The following ANKRD28 variants were observed in gnomAD, a reference collection of about 807,000 sequenced individuals.
ANKRD28 encodes serine/threonine-protein phosphatase 6 regulatory ankyrin repeat subunit A.
In ANKRD28, 44 loss-of-function variants were observed where a neutral mutation model predicts 126.5. That is an observed-to-expected ratio of 0.35 (90% CI 0.27 to 0.45). The LOEUF (loss-of-function observed/expected upper bound fraction) is 0.45. Among genes scored for constraint, ANKRD28 ranks in the 20% least tolerant of loss-of-function variants. The pLI, the probability that ANKRD28 is intolerant of heterozygous loss-of-function variation, is 1.00. For missense variants in ANKRD28, 1,110 were observed against 1,316.6 expected (o/e 0.84, Z 2.43); for synonymous variants, 442 against 468.5 (o/e 0.94, Z 0.73).
chr3:15,682,089 T>A (rs1321796854), intron 21 of ANKRD28, among the ~76,000 whole-genome samples: 2 of 151,956 alleles, frequency 1.3e-5, no homozygotes, highest in Admixed American at 6.6e-5. Context: ...GCAAAAAAAA[T>A]ATGAATAAAA....
chr3:15,828,428 CATGATAGGAGT>C (rs1432241248), intron 1 of ANKRD28, among the ~76,000 whole-genome samples: 2 of 152,010 alleles, frequency 1.3e-5, no homozygotes, highest in Non-Finnish European at 2.9e-5. Context: ...AAAAAGGTGA[CATGATAGGAGT>C]ACTTTAGTAG....
intron 1 of ANKRD28, among the ~76,000 whole-genome samples, chr3:15,831,686 C>T (rs905714328): frequency 6.6e-6 from 1 of 152,204 alleles, no homozygotes; most frequent in African/African-American, 2.4e-5. Flanking sequence ...TTTAGCTCTA[C>T]CTTCCTGCCT....
chr3:15,762,194 AAAAAAAAAAAAAAAAAAAACAAAAC>A (rs1354542348), intron 3 of ANKRD28, among the ~76,000 whole-genome samples: 2 of 29,066 alleles, frequency 6.9e-5, no homozygotes, highest in African/African-American at 1.6e-4. Context: ...TCTTTAAAAA[AAAAAAAAAAAAAAAAAAAACAAAAC>A]AAAAAAAAAA....
At chr3:15,729,355 T>C (rs1297139259) in intron 6 of ANKRD28, among the ~76,000 whole-genome samples, 2 of 152,188 alleles carry the variant, frequency 1.3e-5, no homozygotes, top group Non-Finnish European at 2.9e-5. Context: ...ATTGCTATTA[T>C]ACTAGTCCTT....
intron 1 of ANKRD28, among the ~76,000 whole-genome samples, chr3:15,842,324 C>T (rs1192735470): frequency 2.0e-5 from 3 of 151,850 alleles, no homozygotes; most frequent in Non-Finnish European, 4.4e-5. Flanking sequence ...TTTGCATGTT[C>T]TCACTTATTT....
chr3:15,859,374 T>C (rs1409184922), intron 1 of ANKRD28: 2 of 1,528,174 alleles, frequency 1.3e-6, no homozygotes, highest in Admixed American at 4.0e-5. Context: ...GCCCCTCACC[T>C]ACCTGGTCAC....
At chr3:15,684,949 T>A in intron 21 of ANKRD28, 1 of 372,388 alleles carries the variant, frequency 2.7e-6, no homozygotes, top group Non-Finnish European at 5.0e-6. Context: ...CATAGCAAGA[T>A]CCTACCAAAA....
rs376922063 is a variant in ANKRD28, at chr3:15,720,906, G to A, written c.996+9C>T. 6.2e-6 allele frequency: 10 copies of A among 1,611,094 alleles called. No individual in the cohort carries two copies. In the East Asian group the frequency reaches 8.9e-5, roughly 14 times the overall value. On this transcript the variant is annotated intron_variant, in intron 8 of 27. Transcript: ENST00000683139. ...TGAAATACTTATAGATTCTGATTTT[G>A]TTCCTTACCTTCATATTGACATCGG...
Position 15,667,432 on chromosome 3 carries a change from C to G in ANKRD28, c.*2838G>C, listed in dbSNP as rs1239674565. On this transcript the variant is annotated 3_prime_UTR_variant, in exon 28 of 28. Coordinates refer to ENST00000683139, the MANE Select transcript of ANKRD28 (RefSeq NM_001349278.2). The stretch of plus-strand genomic sequence containing the variant: ...TAGAGCAGAAGCTGGTATTATAATA[C>G]ACATCAGATATTTCAGATGTCATCT... 6.6e-6 allele frequency: 1 copy of G among 152,160 alleles called. No homozygotes were observed. Among genetic ancestry groups the G allele is most frequent in the African/African-American group, 2.4e-5 (1 of 41,428 alleles). 9.4% of individuals were successfully genotyped at this position (152,160 alleles called of 1,614,324 possible). A position where few individuals can be genotyped will look rare whatever the true frequency, so the allele number is the denominator to read the frequency against.
rs990014561 is a variant in ANKRD28, at chr3:15,838,747, T to C, written c.27+20630A>G. Among the ~76,000 whole-genome samples the C allele has an allele frequency of 2.9e-5, 3 of 103,446 alleles. No individual in the cohort carries two copies. The highest frequency in any genetic ancestry group is 8.3e-5 in the African/African-American group (3 of 35,934). The allele number at this position is 103,446 out of a possible 152,430, so 67.9% of individuals were successfully genotyped here. On this transcript the variant is annotated intron_variant, in intron 1 of 27. Coordinates refer to the ANKRD28 transcript ENST00000399451. This position sits in a 1 kb window ranked among gnomAD's most constrained non-coding sequence, Gnocchi z 4.0. ...TGGGCAACAAGAACGAAACTCCGTCTCAAAAAAAAAAAAAAATCTTCGCAA... is the reference window on the plus strand; with the variant it reads ...TGGGCAACAAGAACGAAACTCCGTCCCAAAAAAAAAAAAAAATCTTCGCAA...
At chr3:15,709,361 T>C (rs565697489) in intron 13 of ANKRD28, among the ~76,000 whole-genome samples, 3 of 152,028 alleles carry the variant, frequency 2.0e-5, no homozygotes, top group African/African-American at 4.8e-5. Context: ...TGAAAAAACA[T>C]AGGTTCTATG....
rs940167070 is a variant in ANKRD28, at chr3:15,817,439, T to C, written c.28-22133A>G. Among the ~76,000 whole-genome samples, 29 of 152,050 alleles carry C rather than the reference T, an allele frequency of 1.9e-4. No individual in the cohort carries two copies. Among genetic ancestry groups the C allele is most frequent in the African/African-American group, 5.3e-4 (22 of 41,414 alleles). Reference sequence around the variant, plus strand: ...ATTGCTCTAAGTACTCACCTTCTAATAAGGGAAAAGAGAAATAAAAAGTAA... The same window carrying C: ...ATTGCTCTAAGTACTCACCTTCTAACAAGGGAAAAGAGAAATAAAAAGTAA... On this transcript the variant is annotated intron_variant, in intron 1 of 27. Coordinates refer to the ANKRD28 transcript ENST00000399451. This position sits in a 1 kb window ranked among gnomAD's most constrained non-coding sequence, Gnocchi z 4.5.
At chr3:15,802,926 CAAAT>C (rs551509093), upstream of ANKRD28, among the ~76,000 whole-genome samples, 104 of 152,082 alleles carry the variant, frequency 6.8e-4, no homozygotes, top group South Asian at 5.2e-3. Context: ...ACCATACACA[CAAAT>C]AAATACTATA....
Position 15,848,054 on chromosome 3 carries a change from G to A in ANKRD28, c.27+11323C>T, listed in dbSNP as rs1238185165. On this transcript the variant is annotated intron_variant, in intron 1 of 27. Transcript: ENST00000399451. ...CAAACACACTCTTGTGTCCTTTGGA[G>A]TCTGGTATAGCACTTGATGCACAAT... 3.9e-5 allele frequency among the ~76,000 whole-genome samples: 6 copies of A among 152,196 alleles called. No homozygotes were observed. In the East Asian group the frequency reaches 1.2e-3, roughly 29 times the overall value.
intron 1 of ANKRD28, among the ~76,000 whole-genome samples, chr3:15,848,457 T>G (rs1559596547): frequency 1.3e-5 from 2 of 152,112 alleles, no homozygotes; most frequent in Non-Finnish European, 2.9e-5. Flanking sequence ...GGAGGATCAC[T>G]TGAGCCCAAA....
At chr3:15,745,624 G>T (rs550120341) in intron 4 of ANKRD28, among the ~76,000 whole-genome samples, 1 of 152,266 alleles carries the variant, frequency 6.6e-6, no homozygotes, top group African/African-American at 2.4e-5. Flanking sequence ...TTATAGCATA[G>T]TTTGAAGTCA....
chr3:15,720,894 G>A, intron 8 of ANKRD28, 21 bp downstream of exon 8: 1 of 1,604,500 alleles, frequency 6.2e-7, no homozygotes, highest in Non-Finnish European at 8.5e-7. Context: ...AATACTTATA[G>A]ATTCTGATTT....
rs1553573254 is a variant in ANKRD28, at chr3:15,674,196, A to AAAGAAG, written c.2965+1696_2965+1701dup. Among the ~76,000 whole-genome samples the AAAGAAG allele has an allele frequency of 6.0e-4, 78 of 130,166 alleles. 4 individuals are homozygous for AAAGAAG. The highest frequency in any genetic ancestry group is 2.5e-3 in the African/African-American group (77 of 30,758). 85.4% of individuals were successfully genotyped at this position (130,166 alleles called of 152,430 possible). A position where few individuals can be genotyped will look rare whatever the true frequency, so the allele number is the denominator to read the frequency against. On this transcript the variant is annotated intron_variant, in intron 27 of 27. Coordinates refer to ENST00000683139, the MANE Select transcript of ANKRD28 (RefSeq NM_001349278.2). Reference sequence around the variant, plus strand: ...CTTCAAAAAAAAAAAAAAAAAAAAAAAAGAAGAAGAACCGAAATTCAAGAG... The same window carrying AAAGAAG: ...CTTCAAAAAAAAAAAAAAAAAAAAAAAAGAAGAAGAAGAAGAACCGAAATTCAAGAG...
intron 8 of ANKRD28, among the ~76,000 whole-genome samples, chr3:15,716,000 T>G (rs1419235485): frequency 6.6e-6 from 1 of 151,954 alleles, no homozygotes; most frequent in Non-Finnish European, 1.5e-5. Context: ...CTCTCTTTTT[T>G]TTTTTTGAGA....
Sources: gnomAD v4.1 joint callset for allele counts (sites outside exome capture counted in the v4.1 genomes callset) on GRCh38, gnomAD v4.1.1 for gene constraint, Gnocchi (gnomAD v3.1) non-coding constraint, MANE v1.5 for transcripts, NCBI Gene and HGNC (gene_info 2026-07-23, HGNC 2026-07-21) for gene names.